The following ATP6V1B2 variants were observed in gnomAD, a reference collection of about 807,000 sequenced individuals.
ATP6V1B2 encodes ATPase H+ transporting V1 subunit B2.
ATP6V1B2 carries 23 observed loss-of-function variants against 66.7 expected under a neutral mutation model. The observed-to-expected ratio is 0.34, with a 90% CI of 0.25 to 0.49. ATP6V1B2 has a LOEUF of 0.49. Ranked by LOEUF, ATP6V1B2 falls within the 20% of genes least tolerant of loss-of-function variation. ATP6V1B2 has a pLI of 0.99. For synonymous variants in ATP6V1B2, 278 were observed against 236.7 expected (o/e 1.17, Z -1.60); for missense variants, 478 against 650.8 (o/e 0.73, Z 2.89).
chr8:20,200,824 G>A (rs1204397642), intron 1 of ATP6V1B2, among the ~76,000 whole-genome samples: 2 of 152,132 alleles, frequency 1.3e-5, no homozygotes, highest in African/African-American at 2.4e-5. Context: ...CTCTTCTTCA[G>A]GTGCTCACTG....
chr8:20,210,476 T>C (rs1450227990), intron 4 of ATP6V1B2, 37 bp downstream of exon 4: 1 of 1,608,658 alleles, frequency 6.2e-7, no homozygotes, highest in South Asian at 1.1e-5. Flanking sequence ...CGAGATCTGT[T>C]TCCTTTTAAA....
chr8:20,214,620 C>G (rs2072831659), intron 9 of ATP6V1B2, 198 bp from the exon 10 acceptor site: 1 of 480,426 alleles, frequency 2.1e-6, no homozygotes, highest in African/African-American at 2.0e-5. Flanking sequence ...TTCTGGTGCC[C>G]CATTGTCAAC....
At chr8:20,211,379 G>A (rs1484927318) in intron 6 of ATP6V1B2, 63 bp downstream of exon 6, 2 of 1,568,434 alleles carry the variant, frequency 1.3e-6, no homozygotes, top group African/African-American at 2.8e-5. Flanking sequence ...ATGCATCACT[G>A]TTACTGAGAA....
At chr8:20,214,738 T>C in intron 9 of ATP6V1B2, 80 bp from the exon 10 acceptor site, 1 of 1,413,946 alleles carries the variant, frequency 7.1e-7, no homozygotes, top group South Asian at 1.6e-5. Context: ...CTTTGTACTT[T>C]GGCATGTTGA....
chr8:20,197,746 C>T (rs2072643500), intron 1 of ATP6V1B2, among the ~76,000 whole-genome samples: 1 of 152,164 alleles, frequency 6.6e-6, no homozygotes, highest in Non-Finnish European at 1.5e-5. Context: ...GCAAGAGCAC[C>T]AGCGGGAACT....
At chr8:20,202,965 T>TA (rs980964444) in intron 1 of ATP6V1B2, among the ~76,000 whole-genome samples, 4 of 152,036 alleles carry the variant, frequency 2.6e-5, no homozygotes, top group South Asian at 2.1e-4. Context: ...AAAGCCATTG[T>TA]AAAAAAAATG....
At chr8:20,211,366 A>G (rs201530787) in intron 6 of ATP6V1B2, 50 bp downstream of exon 6, 32 of 1,588,624 alleles carry the variant, frequency 2.0e-5, no homozygotes, top group African/African-American at 6.8e-5. Flanking sequence ...AAGAATTTCT[A>G]TAATGCATCA....
At chr8:20,214,618 C>A (rs2072831581) in intron 9 of ATP6V1B2, 200 bp from the exon 10 acceptor site, 8 of 464,376 alleles carry the variant, frequency 1.7e-5, no homozygotes, top group Admixed American at 4.5e-5. Flanking sequence ...CCTTCTGGTG[C>A]CCCATTGTCA....
In ATP6V1B2 at chr8:20,217,208, A is replaced by G; in HGVS notation, c.1162-12A>G. On this transcript the variant is annotated splice_polypyrimidine_tract_variant and intron_variant, in intron 11 of 13. Coordinates refer to ENST00000276390, the MANE Select transcript of ATP6V1B2 (RefSeq NM_001693.4). ...TTAAATATAGTATTTTTTCCCTCTC[A>G]TTCTACCCAAGATTTATCCACCTAT... 6.2e-7 allele frequency: 1 copy of G among 1,600,118 alleles called. No homozygotes were observed. Among genetic ancestry groups the G allele is most frequent in the Non-Finnish European group, 8.6e-7 (1 of 1,167,728 alleles).
intron 1 of ATP6V1B2, among the ~76,000 whole-genome samples, chr8:20,199,041 G>T (rs1371021932): frequency 1.3e-5 from 2 of 152,176 alleles, no homozygotes; most frequent in East Asian, 3.8e-4. Context: ...GGTTATAAAG[G>T]TGCAGTAGTC....
chr8:20,200,522 T>G (rs1218657760), intron 1 of ATP6V1B2, among the ~76,000 whole-genome samples: 1 of 152,230 alleles, frequency 6.6e-6, no homozygotes, highest in Non-Finnish European at 1.5e-5. Flanking sequence ...GCTTCAAGAT[T>G]ATAGGACTTT....
In ATP6V1B2 at chr8:20,209,505, G is replaced by A. The variant is rs2072771949; in HGVS notation, c.265G>A (p.Val89Ile). 3.7e-6 allele frequency: 6 copies of A among 1,614,062 alleles called. No individual in the cohort carries two copies. The highest frequency in any genetic ancestry group is 5.1e-6 in the Non-Finnish European group (6 of 1,179,964). ...AAAGAGAAGTGGGCAAGTTCTGGAAGTTAGTGGTTCCAAGGCAGTAGTTCA... is the reference window on the plus strand; with the variant it reads ...AAAGAGAAGTGGGCAAGTTCTGGAAATTAGTGGTTCCAAGGCAGTAGTTCA... ...GTKRSGQVLEVSGSKAVVQVF... is the reference protein window; with the variant it reads ...GTKRSGQVLEISGSKAVVQVF... Residue 89 changes from valine to isoleucine, a missense_variant, in exon 3 of 14, where the codon GTT (valine) becomes ATT (isoleucine). Physicochemically the swap from Val to Ile is conservative, Grantham distance 29. This residue lies in a region of ATP6V1B2 where 326 missense variants were observed against 545.6 expected (regional missense o/e 0.60). Transcript: ENST00000276390.
At chr8:20,218,057 C>G (rs548448086) in intron 12 of ATP6V1B2, 96 bp from the exon 13 acceptor site, 298 of 1,449,656 alleles carry the variant, frequency 2.1e-4, no homozygotes, top group Non-Finnish European at 2.5e-4. Context: ...TCTATGGGCT[C>G]TTGTGAGGAG....
At chr8:20,217,089 A>G in intron 11 of ATP6V1B2, 131 bp from the exon 12 acceptor site, 1 of 718,990 alleles carries the variant, frequency 1.4e-6, no homozygotes, top group South Asian at 1.7e-5. Flanking sequence ...AGTAGGATTC[A>G]TCTAGGAGAC....
At position 20,209,462 on chromosome 8, in the gene ATP6V1B2, G is replaced by A. The variant is rs1385628118; in HGVS notation, c.222G>A (p.Leu74=). 6.2e-7 allele frequency: 1 copy of A among 1,613,732 alleles called. No individual in the cohort carries two copies. Among genetic ancestry groups the A allele is most frequent in the Non-Finnish European group, 8.5e-7 (1 of 1,179,942 alleles). Residue 74 remains leucine (L), a synonymous_variant, in exon 3 of 14, where the codon TTG becomes TTA. Coordinates refer to ENST00000276390, the MANE Select transcript of ATP6V1B2 (RefSeq NM_001693.4). ...KFPRYAEIVH[L]TLPDGTKRSG... The stretch of plus-strand genomic sequence containing the variant: ...CCAGGTATGCTGAAATTGTCCATTT[G>A]ACCTTACCGGATGGCACAAAGAGAA...
intron 1 of ATP6V1B2, among the ~76,000 whole-genome samples, chr8:20,201,464 G>A (rs900841155): frequency 3.3e-5 from 5 of 152,244 alleles, no homozygotes; most frequent in Admixed American, 3.3e-4. Flanking sequence ...GGTTTTCTTT[G>A]CAGATAGTTT....
At chr8:20,204,397 G>A (rs141039197) in intron 1 of ATP6V1B2, 87 bp from the exon 2 acceptor site, 32 of 1,190,334 alleles carry the variant, frequency 2.7e-5, no homozygotes, top group South Asian at 2.1e-4. Context: ...ACATGATAAC[G>A]TAGAAAGGAT....
At position 20,209,445 on chromosome 8, in the gene ATP6V1B2, G is replaced by T. The variant is rs1563809007; in HGVS notation, c.205G>T (p.Ala69Ser). 6.2e-7 allele frequency: 1 copy of T among 1,613,910 alleles called. No homozygotes were observed. The highest frequency in any genetic ancestry group is 1.1e-5 in the South Asian group (1 of 91,068). Residue 69 changes from alanine to serine, a missense_variant, in exon 3 of 14, where the codon GCT becomes TCT. Physicochemically the swap from Ala to Ser is moderately conservative, Grantham distance 99. This residue lies in a region of ATP6V1B2 where 152 missense variants were observed against 105.2 expected (regional missense o/e 1.44). Transcript: ENST00000276390. ...ILDHVKFPRY[A>S]EIVHLTLPDG... is the part of the protein sequence containing the mutation. ...TTTTTCTCTTTAGTTTCCCAGGTAT[G>T]CTGAAATTGTCCATTTGACCTTACC... is the stretch of plus-strand genomic sequence containing the variant.
At chr8:20,200,902 A>G (rs2072679052) in intron 1 of ATP6V1B2, among the ~76,000 whole-genome samples, 1 of 152,210 alleles carries the variant, frequency 6.6e-6, no homozygotes, top group South Asian at 2.1e-4. Flanking sequence ...TGTTTTGCTA[A>G]TAAGGCAGAG....
Sources: allele counts gnomAD v4.1 joint callset (sites outside exome capture counted in the v4.1 genomes callset), GRCh38; gene constraint gnomAD v4.1.1; regional missense constraint gnomAD v4.1.1; transcripts MANE v1.5; gene names NCBI Gene and HGNC (gene_info 2026-07-23, HGNC 2026-07-21).